Variants in DLGAP2 observed in about 807,000 individuals in gnomAD.
DLGAP2 encodes the protein DLG associated protein 2, also known as disks large-associated protein 2.
In DLGAP2, 26 loss-of-function variants were observed where a neutral mutation model predicts 100.3. The observed-to-expected ratio is 0.26, with a 90% CI of 0.19 to 0.36. The LOEUF is 0.36. Among genes scored for constraint, DLGAP2 ranks in the 10% least tolerant of loss-of-function variants. DLGAP2 has a pLI of 1.00. For synonymous variants in DLGAP2, 886 were observed against 630.1 expected, an observed-to-expected ratio of 1.41 and a Z score of -6.08; for missense variants, 1,858 against 1,453.2, an observed-to-expected ratio of 1.28 and a Z score of -4.53.
At chr8:855,005 T>G (rs1278935993) in intron 1 of DLGAP2, among the ~76,000 whole-genome samples, 1 of 152,162 alleles carries the variant, frequency 6.6e-6, no homozygotes, top group Non-Finnish European at 1.5e-5. Flanking sequence ...AACAGAGGTC[T>G]GGCAGTCAGA....
At position 1,120,329 on chromosome 8, in the gene DLGAP2, C is replaced by T. The variant is rs1424779469; in HGVS notation, c.74-138522C>T. Among the ~76,000 whole-genome samples the T allele has an allele frequency of 3.3e-5, 5 of 152,276 alleles. No individual in the cohort carries two copies. In the South Asian group the frequency reaches 6.2e-4, roughly 19 times the overall value. ...AGGCATCTTCGTTCCAGCCAACATG[C>T]GTCCGAATGAGAACAATACGAAGGG... On this transcript the variant is annotated intron_variant, in intron 2 of 14. Coordinates refer to ENST00000637795, the MANE Select transcript of DLGAP2 (RefSeq NM_001346810.2).
chr8:1,225,131 G>A (rs13263535), intron 2 of DLGAP2, among the ~76,000 whole-genome samples: 6 of 152,148 alleles, frequency 3.9e-5, no homozygotes, highest in South Asian at 2.1e-4. Context: ...GTGCGGGAGC[G>A]TCCATGCTCA....
chr8:821,980 T>C, intron 1 of DLGAP2: 1 of 394,276 alleles, frequency 2.5e-6, no homozygotes. Flanking sequence ...TTTCAGCTGA[T>C]TAATTATTGC....
chr8:895,595 A>C lies in DLGAP2; in HGVS notation c.19-12317A>C, dbSNP rs543502702. The stretch of plus-strand genomic sequence containing the variant: ...GGGCCTTCAGGCCCTTTAACGATGA[A>C]ATGTTTGGGGCCATTGCAGTGGGTT... On this transcript the variant is annotated intron_variant, in intron 1 of 14. Coordinates refer to ENST00000637795, the MANE Select transcript of DLGAP2 (RefSeq NM_001346810.2). 1.4e-4 allele frequency among the ~76,000 whole-genome samples: 21 copies of C among 152,280 alleles called. No homozygotes were observed. The South Asian group carries it at 4.1e-3, about 30-fold the overall frequency.
intron 2 of DLGAP2, among the ~76,000 whole-genome samples, chr8:1,237,324 C>G (rs1446179641): frequency 2.4e-5 from 3 of 125,262 alleles, no homozygotes; most frequent in African/African-American, 7.4e-5. Flanking sequence ...AGCATCGTGT[C>G]TAGTTCTCTC....
chr8:1,180,917 C>G (rs1563235377), intron 2 of DLGAP2, among the ~76,000 whole-genome samples: 1 of 124,014 alleles, frequency 8.1e-6, no homozygotes, highest in Non-Finnish European at 1.6e-5. Context: ...GTGTGGGTGG[C>G]TGTGCAAGGG....
At chr8:1,572,989 G>T (rs1294180033) in intron 6 of DLGAP2, among the ~76,000 whole-genome samples, 3 of 116,804 alleles carry the variant, frequency 2.6e-5, no homozygotes, top group Non-Finnish European at 3.6e-5. Context: ...GGGTGAACTG[G>T]AGGGGCGTCT....
At chr8:1,316,275 G>A (rs370462128) in intron 3 of DLGAP2, among the ~76,000 whole-genome samples, 139 of 131,902 alleles carry the variant, frequency 1.1e-3, no homozygotes, top group South Asian at 4.1e-3. Context: ...GAGCGTGTGC[G>A]AGTGCAGCGT....
intron 3 of DLGAP2, among the ~76,000 whole-genome samples, chr8:1,358,025 A>G (rs565894953): frequency 6.6e-6 from 1 of 152,312 alleles, no homozygotes; most frequent in East Asian, 1.9e-4. Flanking sequence ...AAATGGAGGA[A>G]GGAGGGGAAC....
chr8:803,741 A>G (rs1364827528), intron 1 of DLGAP2, among the ~76,000 whole-genome samples: 1 of 152,218 alleles, frequency 6.6e-6, no homozygotes, highest in African/African-American at 2.4e-5. Context: ...TTTTAGCCAG[A>G]GAAACGTGCT....
intron 2 of DLGAP2, among the ~76,000 whole-genome samples, chr8:1,209,155 A>C (rs1798054186): frequency 6.6e-6 from 1 of 152,192 alleles, no homozygotes; most frequent in Non-Finnish European, 1.5e-5. Context: ...AAACAATCCT[A>C]AAATTCATAT....
chr8:1,325,597 C>T (rs531686201), intron 3 of DLGAP2, among the ~76,000 whole-genome samples: 1 of 152,148 alleles, frequency 6.6e-6, no homozygotes, highest in Non-Finnish European at 1.5e-5. Context: ...AGGGATCTCC[C>T]CTGAAAGGAT....
intron 2 of DLGAP2, among the ~76,000 whole-genome samples, chr8:1,057,183 T>A (rs1802907089): frequency 6.6e-6 from 1 of 152,234 alleles, no homozygotes; most frequent in Non-Finnish European, 1.5e-5. Flanking sequence ...GACACACAGT[T>A]CCCTTGAGAT....
chr8:1,427,342 G>C (rs1418360611), intron 3 of DLGAP2, among the ~76,000 whole-genome samples: 1 of 152,132 alleles, frequency 6.6e-6, no homozygotes, highest in Non-Finnish European at 1.5e-5. Flanking sequence ...ACCAAGTGTA[G>C]AATAAACACT....
At chr8:1,092,211 C>T (rs1239463008) in intron 2 of DLGAP2, among the ~76,000 whole-genome samples, 1 of 152,166 alleles carries the variant, frequency 6.6e-6, no homozygotes, top group Non-Finnish European at 1.5e-5. Flanking sequence ...GCTGGGCAGT[C>T]ACACAGTCCC....
At chr8:1,481,260 G>A (rs943377790) in intron 3 of DLGAP2, among the ~76,000 whole-genome samples, 8 of 152,064 alleles carry the variant, frequency 5.3e-5, no homozygotes, top group African/African-American at 9.7e-5. Context: ...CTAGTTTTAC[G>A]TTTTCCTACA....
At chr8:1,491,938 C>T (rs1377401946) in intron 3 of DLGAP2, among the ~76,000 whole-genome samples, 2 of 152,276 alleles carry the variant, frequency 1.3e-5, no homozygotes, top group Non-Finnish European at 2.9e-5. Context: ...CGGAGCGGGA[C>T]GCGAGGGGGT....
intron 3 of DLGAP2, among the ~76,000 whole-genome samples, chr8:1,416,379 A>T (rs543388200): frequency 2.0e-5 from 3 of 152,312 alleles, no homozygotes; most frequent in South Asian, 2.1e-4. Flanking sequence ...GGGAGGTTCA[A>T]ACCTCTGCAG....
intron 10 of DLGAP2, among the ~76,000 whole-genome samples, chr8:1,670,038 C>T (rs957061334): frequency 6.6e-6 from 1 of 152,116 alleles, no homozygotes; most frequent in African/African-American, 2.4e-5. Context: ...CGCCCGTCTC[C>T]GTCTCCGTCT....
Sources: allele counts gnomAD v4.1 joint callset (sites outside exome capture counted in the v4.1 genomes callset), GRCh38; gene constraint gnomAD v4.1.1; transcripts MANE v1.5; gene names NCBI Gene and HGNC (gene_info 2026-07-23, HGNC 2026-07-21).